MSRB3: variants seen among roughly 807,000 people sequenced by gnomAD.
MSRB3 encodes methionine-R-sulfoxide reductase B3.
MSRB3 carries 13 observed loss-of-function variants against 21.0 expected under a neutral mutation model. The observed-to-expected ratio is 0.62, with a 90% CI of 0.40 to 0.98. The LOEUF is 0.98. MSRB3 is among the 50% of genes least tolerant of loss of function. MSRB3 has a pLI of 0.00. For missense variants in MSRB3, 199 were observed against 230.3 expected, an observed-to-expected ratio of 0.86 and a Z score of 0.88; for synonymous variants, 87 against 88.6, an observed-to-expected ratio of 0.98 and a Z score of 0.10.
In MSRB3 at chr12:65,349,995, C is replaced by T. The variant is rs531852734; in HGVS notation, c.264-19003C>T. Among the ~76,000 whole-genome samples the T allele has an allele frequency of 3.9e-5, 6 of 151,996 alleles. No individual in the cohort carries two copies. In the South Asian group the frequency reaches 1.2e-3, roughly 32 times the overall value. ...ATGACGTCCTTGCCCATGCCTATGT[C>T]CTGAATGGTGATGCCTAGGTTTTCT... On this transcript the variant is annotated intron_variant, in intron 4 of 6. Coordinates refer to ENST00000308259, the MANE Select transcript of MSRB3 (RefSeq NM_001031679.3).
chr12:65,330,511 G>C (rs1283361005), intron 4 of MSRB3, among the ~76,000 whole-genome samples: 1 of 152,050 alleles, frequency 6.6e-6, no homozygotes, highest in African/African-American at 2.4e-5. Context: ...GTAGCTCATT[G>C]GTCTAGTGCC....
intron 4 of MSRB3, among the ~76,000 whole-genome samples, chr12:65,336,979 C>T (rs1555203510): frequency 6.6e-6 from 1 of 152,212 alleles, no homozygotes; most frequent in Non-Finnish European, 1.5e-5. Context: ...CGCGGTGGCT[C>T]ACGCCTGTAA....
intron 1 of MSRB3, chr12:65,282,026 C>T: frequency 6.6e-6 from 1 of 152,136 alleles, no homozygotes. Flanking sequence ...TTTTAAAATG[C>T]TCAGCACAGG....
At chr12:65,386,120 A>C (rs1312742151) in intron 5 of MSRB3, among the ~76,000 whole-genome samples, 1 of 151,950 alleles carries the variant, frequency 6.6e-6, no homozygotes, top group Non-Finnish European at 1.5e-5. Flanking sequence ...TTTAAACTTA[A>C]CTATTTAATT....
intron 2 of MSRB3, among the ~76,000 whole-genome samples, chr12:65,318,042 C>G (rs1874414807): frequency 6.6e-6 from 1 of 151,886 alleles, no homozygotes. Flanking sequence ...CTTCCCGTGT[C>G]AGGGCAAGAC....
chr12:65,349,467 C>T (rs1289542641), intron 4 of MSRB3, among the ~76,000 whole-genome samples: 1 of 151,418 alleles, frequency 6.6e-6, no homozygotes, highest in Non-Finnish European at 1.5e-5. Context: ...AGTTCTAGAT[C>T]CCTGAGGAAT....
At chr12:65,384,860 T>A (rs1422103504) in intron 5 of MSRB3, among the ~76,000 whole-genome samples, 1 of 152,282 alleles carries the variant, frequency 6.6e-6, no homozygotes, top group East Asian at 1.9e-4. Context: ...GCTAGGCAGA[T>A]CTTCATCATT....
intron 5 of MSRB3, among the ~76,000 whole-genome samples, chr12:65,424,044 C>T (rs1881455334): frequency 6.6e-6 from 1 of 152,098 alleles, no homozygotes; most frequent in Non-Finnish European, 1.5e-5. Context: ...TTTTCTTTTA[C>T]CTCATGATTG....
At chr12:65,420,569 T>C (rs1881238969) in intron 5 of MSRB3, among the ~76,000 whole-genome samples, 1 of 152,086 alleles carries the variant, frequency 6.6e-6, no homozygotes, top group Non-Finnish European at 1.5e-5. Context: ...GAGTATTTTG[T>C]CACCCAGGTA....
chr12:65,366,223 C>T (rs1878005955), intron 4 of MSRB3, among the ~76,000 whole-genome samples: 2 of 152,126 alleles, frequency 1.3e-5, no homozygotes, highest in Admixed American at 1.3e-4. Context: ...ACCTTTTTCC[C>T]ATCTTTTAGG....
rs546160699 is a variant in MSRB3 at position 65,337,268 on chromosome 12, C to CA, written c.263+8674dup. ...AAAAAAAACAAAAAACAAAACAAAA[C>CA]AAAAAAAAACCAAAAATCAGCTGGG... On this transcript the variant is annotated intron_variant, in intron 4 of 6. Coordinates refer to ENST00000308259, the MANE Select transcript of MSRB3 (RefSeq NM_001031679.3). Among the ~76,000 whole-genome samples the CA allele has an allele frequency of 6.8e-3, 1,008 of 148,400 alleles. 10 individuals are homozygous for CA. Among genetic ancestry groups the CA allele is most frequent in the African/African-American group, 0.022 (875 of 40,046 alleles).
At chr12:65,315,351 G>C (rs560890444) in intron 2 of MSRB3, among the ~76,000 whole-genome samples, 6 of 151,488 alleles carry the variant, frequency 4.0e-5, no homozygotes, top group Admixed American at 3.9e-4. Context: ...GCTTGTATTA[G>C]TAATTTAAAA....
chr12:65,450,791 A>C (rs1882821152), intron 5 of MSRB3, among the ~76,000 whole-genome samples: 1 of 152,108 alleles, frequency 6.6e-6, no homozygotes, highest in South Asian at 2.1e-4. Flanking sequence ...TTTCCTTATT[A>C]TTAGGAGTTG....
intron 5 of MSRB3, among the ~76,000 whole-genome samples, chr12:65,381,789 A>G (rs953553064): frequency 6.6e-6 from 1 of 152,054 alleles, no homozygotes; most frequent in Non-Finnish European, 1.5e-5. Flanking sequence ...TGAATTTTGA[A>G]TATCTATGTT....
intron 5 of MSRB3, among the ~76,000 whole-genome samples, chr12:65,443,353 T>A (rs1234099433): frequency 6.6e-6 from 1 of 152,178 alleles, no homozygotes; most frequent in Non-Finnish European, 1.5e-5. Context: ...TTTGTACATC[T>A]GAACTTGTTA....
chr12:65,425,530 G>A (rs1036837293), intron 5 of MSRB3, among the ~76,000 whole-genome samples: 1 of 151,384 alleles, frequency 6.6e-6, no homozygotes, highest in Non-Finnish European at 1.5e-5. Flanking sequence ...GTAGCTTTTT[G>A]TTTTATGACT....
At chr12:65,326,762 CCAAAG>C in intron 2 of MSRB3, 59 bp from the exon 3 acceptor site, 2 of 1,320,892 alleles carry the variant, frequency 1.5e-6, no homozygotes, top group Non-Finnish European at 2.2e-6. Context: ...TGGCGGTCAG[CCAAAG>C]CAATTATTTA....
chr12:65,450,030 A>G (rs1391293636), intron 5 of MSRB3, among the ~76,000 whole-genome samples: 2 of 152,154 alleles, frequency 1.3e-5, no homozygotes, highest in African/African-American at 4.8e-5. Flanking sequence ...CTATGCCATT[A>G]TTCAATTATG....
At chr12:65,388,941 G>A (rs955554874) in intron 5 of MSRB3, among the ~76,000 whole-genome samples, 3 of 152,156 alleles carry the variant, frequency 2.0e-5, no homozygotes, top group African/African-American at 7.2e-5. Flanking sequence ...AGAGAGCACT[G>A]GTACAAATAT....
Sources: gnomAD v4.1 joint callset for allele counts (sites outside exome capture counted in the v4.1 genomes callset) on GRCh38, gnomAD v4.1.1 for gene constraint, MANE v1.5 for transcripts, NCBI Gene and HGNC (gene_info 2026-07-23, HGNC 2026-07-21) for gene names.